The following NPR3 variants were observed in gnomAD, a reference collection of about 807,000 sequenced individuals.
The protein encoded by NPR3 is natriuretic peptide receptor 3.
In NPR3, 34 loss-of-function variants were observed where a neutral mutation model predicts 54.5. The ratio of observed to expected loss-of-function variants is 0.62; its 90% CI spans 0.47 to 0.83. NPR3 has a LOEUF of 0.83. Ranked by LOEUF, NPR3 falls within the 40% of genes least tolerant of loss-of-function variation. NPR3 has a pLI of 0.00. For missense variants in NPR3, 674 were observed against 720.8 expected (o/e 0.94, Z 0.74); for synonymous variants, 289 against 297.1 (o/e 0.97, Z 0.28).
Position 32,788,999 on chromosome 5 carries a change from T to C in NPR3, c.*2654T>C, listed in dbSNP as rs745017. The C allele has an allele frequency of 0.07, 10,745 of 154,154 alleles. 1,312 individuals are homozygous for C. Among genetic ancestry groups the C allele is most frequent in the African/African-American group, 0.25 (10,283 of 41,508 alleles). The allele number at this position is 154,154 out of a possible 1,614,324, so 9.5% of individuals were successfully genotyped here. ...GGTCTCTCATGATTATATTTGGGGA[T>C]TTACGTTCCTAACTGCTAAGCAACA... is the stretch of plus-strand genomic sequence containing the variant. On this transcript the variant is annotated 3_prime_UTR_variant, in exon 8 of 8. Coordinates refer to ENST00000265074, the MANE Select transcript of NPR3 (RefSeq NM_001204375.2).
chr5:32,762,314 TG>T (rs1450592703), intron 3 of NPR3, among the ~76,000 whole-genome samples: 3 of 151,794 alleles, frequency 2.0e-5, no homozygotes, highest in Non-Finnish European at 4.4e-5. Flanking sequence ...TACCCAGTAG[TG>T]GGATTGCTAG....
At chr5:32,755,331 A>G (rs961509129) in intron 3 of NPR3, among the ~76,000 whole-genome samples, 3 of 152,222 alleles carry the variant, frequency 2.0e-5, no homozygotes, top group Non-Finnish European at 1.5e-5. Flanking sequence ...TCCTTGGATT[A>G]AACAGATTTC....
Position 32,711,753 on chromosome 5 carries a change from G to A in NPR3, c.-24G>A, listed in dbSNP as rs1738245597. ...GCAGAGGGCGAGTCGGCGGCGGCGA[G>A]GGCAAGCTCTTTCTTGCGGCACGAT... On this transcript the variant is annotated 5_prime_UTR_variant, in exon 1 of 8. Coordinates refer to ENST00000265074, the MANE Select transcript of NPR3 (RefSeq NM_001204375.2). 1.4e-6 allele frequency: 2 copies of A among 1,413,682 alleles called. No homozygotes were observed. Among genetic ancestry groups the A allele is most frequent in the Non-Finnish European group, 1.8e-6 (2 of 1,084,396 alleles). 87.6% of individuals were successfully genotyped at this position (1,413,682 alleles called of 1,614,324 possible).
intron 3 of NPR3, among the ~76,000 whole-genome samples, chr5:32,757,535 G>A (rs1481236580): frequency 6.6e-6 from 1 of 152,182 alleles, no homozygotes; most frequent in Non-Finnish European, 1.5e-5. Context: ...ATACAGTCAT[G>A]TCATCTGCAA....
chr5:32,764,322 C>T (rs1741329225), intron 3 of NPR3, among the ~76,000 whole-genome samples: 1 of 152,064 alleles, frequency 6.6e-6, no homozygotes, highest in Admixed American at 6.5e-5. Flanking sequence ...AAGCTTGTGA[C>T]CTTCTGCTTG....
chr5:32,739,678 C>T (rs145682146), intron 3 of NPR3, among the ~76,000 whole-genome samples: 13 of 152,288 alleles, frequency 8.5e-5, no homozygotes, highest in African/African-American at 3.1e-4. Context: ...AGAGCTGGCA[C>T]CGCAGGCAGC....
At chr5:32,765,290 A>G (rs1470976685) in intron 3 of NPR3, among the ~76,000 whole-genome samples, 2 of 152,244 alleles carry the variant, frequency 1.3e-5, no homozygotes, top group Non-Finnish European at 2.9e-5. Flanking sequence ...CTGAGCAGCT[A>G]AAATAGACAT....
In NPR3 at chr5:32,712,394, C is replaced by G. The variant is rs377654614; in HGVS notation, c.618C>G (p.Asp206Glu). Reference sequence around the variant, plus strand: ...GCCGCGCTGCACTGGTCTACAGCGACGACAAGCTGGAGCGGAACTGCTACT... The same window carrying G: ...GCCGCGCTGCACTGGTCTACAGCGAGGACAAGCTGGAGCGGAACTGCTACT... ...HWSRAALVYS[D>E]DKLERNCYFT... is the part of the protein sequence containing the mutation. The change falls in exon 1 of 8, where the codon GAC becomes GAG. Residue 206 changes from aspartate to glutamate, a missense_variant. Coordinates refer to ENST00000265074, the MANE Select transcript of NPR3 (RefSeq NM_001204375.2). 1.9e-6 allele frequency: 3 copies of G among 1,613,294 alleles called. No individual in the cohort carries two copies. Among genetic ancestry groups the G allele is most frequent in the Non-Finnish European group, 1.7e-6 (2 of 1,179,572 alleles).
rs1738242269 is a variant in NPR3, at chr5:32,711,720, G to A, written c.-57G>A. ...GAGTGGGGAGGAAAGAGGAAGGGTG[G>A]GTGGGGGGCAGAGGGCGAGTCGGCG... On this transcript the variant is annotated 5_prime_UTR_variant, in exon 1 of 8. Transcript: ENST00000265074. The A allele has an allele frequency of 7.1e-7, 1 of 1,404,014 alleles. No individual in the cohort carries two copies. The highest frequency in any genetic ancestry group is 9.3e-7 in the Non-Finnish European group (1 of 1,080,898). The allele number at this position is 1,404,014 out of a possible 1,614,324, so 87.0% of individuals were successfully genotyped here. A position where few individuals can be genotyped will look rare whatever the true frequency, so the allele number is the denominator to read the frequency against.
At chr5:32,782,443 T>C (rs1438234341) in intron 5 of NPR3, among the ~76,000 whole-genome samples, 2 of 152,010 alleles carry the variant, frequency 1.3e-5, no homozygotes, top group East Asian at 3.9e-4. Flanking sequence ...CCTTATCCGA[T>C]GAACAAAGCA....
chr5:32,738,058 A>C (rs930718619), intron 2 of NPR3, among the ~76,000 whole-genome samples: 3 of 152,176 alleles, frequency 2.0e-5, no homozygotes, highest in Admixed American at 2.0e-4. Flanking sequence ...CAAATCTTTG[A>C]GTTCACCTAA....
chr5:32,708,759 G>C (rs1011408692), upstream of NPR3, among the ~76,000 whole-genome samples: 4 of 152,250 alleles, frequency 2.6e-5, no homozygotes, highest in Admixed American at 2.6e-4. Context: ...AAACAAACCC[G>C]TAACTTTGAA....
Position 32,786,387 on chromosome 5 carries a change from A to C in NPR3, c.*42A>C. 1 of 786,080 alleles carries C rather than the reference A, an allele frequency of 1.3e-6. No individual in the cohort carries two copies. The highest frequency in any genetic ancestry group is 2.2e-6 in the Non-Finnish European group (1 of 450,964). 48.7% of individuals were successfully genotyped at this position (786,080 alleles called of 1,614,324 possible). ...TTTTTTTTTCTGCCTGAGATTCTTT[A>C]AGGAGATAGACGGGTTGAAAGACAT... On this transcript the variant is annotated 3_prime_UTR_variant, in exon 8 of 8. Transcript: ENST00000265074.
intron 1 of NPR3, among the ~76,000 whole-genome samples, chr5:32,717,074 G>A (rs371140101): frequency 3.0e-5 from 4 of 133,602 alleles, no homozygotes; most frequent in African/African-American, 1.2e-4. Context: ...TCATTGTTCA[G>A]TTCCCACCTA....
chr5:32,693,638 G>A (rs1387887855), intron 1 of NPR3, among the ~76,000 whole-genome samples: 1 of 152,178 alleles, frequency 6.6e-6, no homozygotes, highest in African/African-American at 2.4e-5. Flanking sequence ...CTATCACACA[G>A]ATTTAAATAT....
chr5:32,773,221 C>A (rs1741864648), intron 3 of NPR3, among the ~76,000 whole-genome samples: 3 of 152,294 alleles, frequency 2.0e-5, no homozygotes, highest in Middle Eastern at 3.4e-3. Context: ...ACACTTTTTT[C>A]TGAAATGAGA....
At chr5:32,762,192 A>G (rs911215135) in intron 3 of NPR3, among the ~76,000 whole-genome samples, 2 of 152,174 alleles carry the variant, frequency 1.3e-5, no homozygotes, top group African/African-American at 4.8e-5. Flanking sequence ...CCAGTCTACC[A>G]GAGATGGGCA....
At chr5:32,763,583 G>A (rs931645012) in intron 3 of NPR3, among the ~76,000 whole-genome samples, 1 of 151,642 alleles carries the variant, frequency 6.6e-6, no homozygotes, top group Non-Finnish European at 1.5e-5. Context: ...CAAAGTGCTG[G>A]GATTACAGAC....
intron 1 of NPR3, 94 bp downstream of exon 1, chr5:32,712,639 C>T (rs764720247): frequency 1.6e-6 from 2 of 1,231,966 alleles, no homozygotes; most frequent in East Asian, 2.4e-5. Flanking sequence ...CCCCACTCCC[C>T]ACTGCGGCGC....
Sources: allele counts gnomAD v4.1 joint callset (sites outside exome capture counted in the v4.1 genomes callset), GRCh38; gene constraint gnomAD v4.1.1; transcripts MANE v1.5; gene names NCBI Gene and HGNC (gene_info 2026-07-23, HGNC 2026-07-21).